Variants in USP24 observed in about 807,000 individuals in gnomAD.
USP24 encodes the protein ubiquitin specific peptidase 24, also known as ubiquitin carboxyl-terminal hydrolase 24.
In USP24, 97 loss-of-function variants were observed where a neutral mutation model predicts 361.6. That is an observed-to-expected ratio of 0.27 (90% confidence interval 0.23 to 0.32). USP24 has a LOEUF of 0.32. Ranked by LOEUF, USP24 falls within the 10% of genes least tolerant of loss-of-function variation. The pLI is 1.00. For missense variants in USP24, 2,353 were observed against 3,165.6 expected, an observed-to-expected ratio of 0.74 and a Z score of 6.16; for synonymous variants, 1,098 against 1,124.6, an observed-to-expected ratio of 0.98 and a Z score of 0.47.
intron 7 of USP24, among the ~76,000 whole-genome samples, chr1:55,164,885 A>G (rs1382035670): frequency 2.0e-5 from 3 of 151,858 alleles, no homozygotes; most frequent in East Asian, 3.9e-4. Flanking sequence ...TTCCAACTCA[A>G]TGAAGTCCTT....
At chr1:55,168,577 A>G (rs998880525) in intron 5 of USP24, among the ~76,000 whole-genome samples, 1 of 152,138 alleles carries the variant, frequency 6.6e-6, no homozygotes, top group Non-Finnish European at 1.5e-5. Flanking sequence ...CATCAACCCC[A>G]GGTGGGACAG....
intron 1 of USP24, among the ~76,000 whole-genome samples, chr1:55,184,962 TTTA>T (rs1291200215): frequency 6.7e-6 from 1 of 150,298 alleles, no homozygotes. Context: ...GATTTTTATT[TTTA>T]TTTTTTTTTT....
chr1:55,206,657 T>TAAAAAAAAA (rs34127046), intron 1 of USP24, among the ~76,000 whole-genome samples: 1 of 130,480 alleles, frequency 7.7e-6, no homozygotes. Context: ...AGAAAAACAG[T>TAAAAAAAAA]AAAAAAAAAA....
chr1:55,172,857 T>C (rs1159313155), intron 3 of USP24, among the ~76,000 whole-genome samples: 2 of 152,174 alleles, frequency 1.3e-5, no homozygotes, highest in African/African-American at 4.8e-5. Context: ...TATTACTGTT[T>C]TCTAGCTGTG....
chr1:55,148,173 A>C (rs1414902406), intron 17 of USP24, among the ~76,000 whole-genome samples: 1 of 152,116 alleles, frequency 6.6e-6, no homozygotes, highest in Admixed American at 6.5e-5. Context: ...CAAGCTTTTT[A>C]ATCTTTTCAA....
intron 56 of USP24, among the ~76,000 whole-genome samples, chr1:55,085,631 GATT>G (rs1253800031): frequency 6.6e-6 from 1 of 152,186 alleles, no homozygotes; most frequent in Non-Finnish European, 1.5e-5. Context: ...TCTAGACACA[GATT>G]AGTCTCAGTT....
intron 8 of USP24, among the ~76,000 whole-genome samples, chr1:55,160,699 A>G (rs1338734680): frequency 6.6e-6 from 1 of 152,170 alleles, no homozygotes; most frequent in East Asian, 1.9e-4. Flanking sequence ...TTTAAGGTAC[A>G]CTCTGTTTAC....
rs371430099 is a variant in USP24 at position 55,132,581 on chromosome 1, C to T, written c.3501G>A (p.Pro1167=). The T allele has an allele frequency of 1.9e-5, 31 of 1,613,420 alleles. No individual in the cohort carries two copies. Among genetic ancestry groups the T allele is most frequent in the Admixed American group, 6.7e-5 (4 of 59,956 alleles). ...ILESLFRSFA[P]GMSTFRVLYN... ...AGAGCACTCTGAAGGTAGACATTCC[C>T]GGGGCAAAAGATCGAAACAGACTTT... Residue 1167 remains proline, a synonymous_variant, in exon 31 of 68, where the codon CCG becomes CCA. Transcript: ENST00000294383.
chr1:55,162,825 C>T (rs2100770254), intron 7 of USP24, among the ~76,000 whole-genome samples: 1 of 152,090 alleles, frequency 6.6e-6, no homozygotes, highest in South Asian at 2.1e-4. Context: ...ACACCCAGAA[C>T]ATTAAAAATA....
intron 8 of USP24, among the ~76,000 whole-genome samples, chr1:55,161,136 G>A (rs1416663874): frequency 6.6e-6 from 1 of 152,118 alleles, no homozygotes; most frequent in Admixed American, 6.6e-5. Flanking sequence ...CACTTTGGGA[G>A]GCCGAGGTGG....
At chr1:55,156,553 G>A (rs992805033) in intron 12 of USP24, among the ~76,000 whole-genome samples, 3 of 151,986 alleles carry the variant, frequency 2.0e-5, no homozygotes, top group Admixed American at 1.3e-4. Context: ...CTAGTAAGAT[G>A]AGATCTACAA....
chr1:55,124,556 G>A lies in USP24; in HGVS notation c.4033C>T (p.Arg1345Trp), dbSNP rs767735292. ...MRLSWAAAAG[R>W]LDLVGSSQPI... Reference sequence around the variant, plus strand: ...TGGCTACTCCCAACAAGATCAAGCCGTCCTGCAGCCGCAGCCCATGACAAT... The same window carrying A: ...TGGCTACTCCCAACAAGATCAAGCCATCCTGCAGCCGCAGCCCATGACAAT... Residue 1345 changes from arginine (R) to tryptophan (W), a missense_variant, in exon 35 of 68, where the codon CGG becomes TGG. Physicochemically the swap from Arg to Trp is moderately radical, Grantham distance 101. Transcript: ENST00000294383. 9.9e-6 allele frequency: 16 copies of A among 1,613,722 alleles called. No individual in the cohort carries two copies. The highest frequency in any genetic ancestry group is 3.3e-5 in the Admixed American group (2 of 59,960).
chr1:55,085,378 C>T (rs755639896), intron 56 of USP24, among the ~76,000 whole-genome samples: 2 of 152,220 alleles, frequency 1.3e-5, no homozygotes, highest in Non-Finnish European at 1.5e-5. Context: ...ATGCCTCCAG[C>T]TAATGTTTAT....
chr1:55,094,183 C>CCTG, intron 51 of USP24, 96 bp from the exon 52 acceptor site: 1 of 1,244,722 alleles, frequency 8.0e-7, no homozygotes, highest in Non-Finnish European at 1.1e-6. Context: ...GGGTATTAGA[C>CCTG]TATTTGATTA....
At chr1:55,104,522 CA>C (rs1645722207) in intron 41 of USP24, among the ~76,000 whole-genome samples, 1 of 152,154 alleles carries the variant, frequency 6.6e-6, no homozygotes, top group South Asian at 2.1e-4. Flanking sequence ...TAAAGTGACA[CA>C]AAAGATAACT....
At position 55,162,037 on chromosome 1, in the gene USP24, A is replaced by T. The variant is rs150983926; in HGVS notation, c.993+162T>A. Among the ~76,000 whole-genome samples, 462 of 152,334 alleles carry T rather than the reference A, an allele frequency of 3.0e-3. 5 individuals are homozygous for T. The highest frequency in any genetic ancestry group is 0.01 in the African/African-American group (423 of 41,582). Reference sequence around the variant, plus strand: ...GGTCTCCTATACTTCAAATTATTCAACAATTTTTATTATCTGATGGCATTT... The same window carrying T: ...GGTCTCCTATACTTCAAATTATTCATCAATTTTTATTATCTGATGGCATTT... On this transcript the variant is annotated intron_variant, in intron 8 of 67. Transcript: ENST00000294383.
At chr1:55,199,587 AAG>A (rs1644509140) in intron 1 of USP24, among the ~76,000 whole-genome samples, 1 of 68,720 alleles carries the variant, frequency 1.5e-5, no homozygotes, top group Non-Finnish European at 3.0e-5. Context: ...GGTTCAGAAA[AAG>A]TGTGTGTGTG....
intron 1 of USP24, among the ~76,000 whole-genome samples, chr1:55,200,627 A>C (rs542130121): frequency 6.6e-6 from 1 of 152,368 alleles, no homozygotes; most frequent in Non-Finnish European, 1.5e-5. Context: ...TGTCATCATT[A>C]ATCATTATTA....
At chr1:55,167,534 G>GT (rs1332684193) in intron 5 of USP24, among the ~76,000 whole-genome samples, 2 of 152,112 alleles carry the variant, frequency 1.3e-5, no homozygotes, top group African/African-American at 2.4e-5. Context: ...GGAAGAGAGT[G>GT]TTTTATATTT....
Sources: allele counts gnomAD v4.1 joint callset (sites outside exome capture counted in the v4.1 genomes callset), GRCh38; gene constraint gnomAD v4.1.1; transcripts MANE v1.5; gene names NCBI Gene and HGNC (gene_info 2026-07-23, HGNC 2026-07-21).